Variants in MECOM observed in about 807,000 individuals in gnomAD.
The protein encoded by MECOM is MDS1 and EVI1 complex locus, also known as histone-lysine N-methyltransferase MECOM.
MECOM carries 13 observed loss-of-function variants against 116.3 expected under a neutral mutation model. That is an observed-to-expected ratio of 0.11 (90% CI 0.07 to 0.18). MECOM has a LOEUF of 0.18. Ranked by LOEUF, MECOM falls within the 10% of genes least tolerant of loss-of-function variation. The probability of loss-of-function intolerance (pLI) is 1.00; values close to 1 mark genes in which losing one functional copy is unlikely to be tolerated. For missense variants in MECOM, 1,299 were observed against 1,509.0 expected (o/e 0.86, Z 2.31); for synonymous variants, 528 against 535.2 (o/e 0.99, Z 0.19).
chr3:169,504,150 AGTGTGTGTGTGTGTGTGTGT>A (rs3044764), intron 1 of MECOM, among the ~76,000 whole-genome samples: 3 of 132,670 alleles, frequency 2.3e-5, no homozygotes, highest in South Asian at 2.8e-4. Flanking sequence ...GAAAAAGAGA[AGTGTGTGTGTGTGTGTGTGT>A]GTGTGTGTGT....
intron 1 of MECOM, among the ~76,000 whole-genome samples, chr3:169,423,541 G>A (rs1480368686): frequency 6.6e-6 from 1 of 152,048 alleles, no homozygotes; most frequent in Non-Finnish European, 1.5e-5. Context: ...TATTTTGGAA[G>A]AAGATAAAGA....
chr3:169,290,161 A>C (rs1285340093), intron 2 of MECOM, among the ~76,000 whole-genome samples: 1 of 152,210 alleles, frequency 6.6e-6, no homozygotes, highest in Admixed American at 6.5e-5. Context: ...TTCCCAAAAA[A>C]AAATCCCTTA....
rs748906253 is a variant in MECOM at position 169,107,965 on chromosome 3, T to C, written c.2578-13A>G. ...CAGGCAGTTGGAACTGGGAGCAAAA[T>C]TGAAACAAAAACAAAAAATTACTTC... On this transcript the variant is annotated splice_polypyrimidine_tract_variant and intron_variant, in intron 9 of 16. Coordinates refer to ENST00000651503, the MANE Select transcript of MECOM (RefSeq NM_004991.4). 1.9e-6 allele frequency: 3 copies of C among 1,612,016 alleles called. No homozygotes were observed. Among genetic ancestry groups the C allele is most frequent in the African/African-American group, 2.7e-5 (2 of 74,852 alleles).
intron 1 of MECOM, among the ~76,000 whole-genome samples, chr3:169,546,013 G>A (rs372242897): frequency 1.1e-4 from 17 of 152,114 alleles, no homozygotes; most frequent in Admixed American, 6.5e-4. Flanking sequence ...TAAAGGAAGC[G>A]CTAGGTTGAA....
At chr3:169,195,713 T>C (rs1167990750) in intron 2 of MECOM, among the ~76,000 whole-genome samples, 2 of 152,012 alleles carry the variant, frequency 1.3e-5, no homozygotes. Context: ...AAGCTAAAGA[T>C]GCATTGTAGC....
Position 169,560,789 on chromosome 3 carries a change from G to GA in MECOM, c.37+102546dup, listed in dbSNP as rs575333786. 5.3e-5 allele frequency among the ~76,000 whole-genome samples: 8 copies of GA among 152,008 alleles called. No individual in the cohort carries two copies. The South Asian group carries it at 1.7e-3, about 32-fold the overall frequency. Reference sequence around the variant, plus strand: ...ACTTACAATGACAATAATATCATAGGAAAAAAACAGACTAGCAGCAAATGG... The same window carrying GA: ...ACTTACAATGACAATAATATCATAGGAAAAAAAACAGACTAGCAGCAAATGG... On this transcript the variant is annotated intron_variant, in intron 1 of 16. Coordinates refer to ENST00000651503, the MANE Select transcript of MECOM (RefSeq NM_004991.4).
At chr3:169,130,881 T>C (rs1426012134) in intron 4 of MECOM, among the ~76,000 whole-genome samples, 2 of 152,196 alleles carry the variant, frequency 1.3e-5, no homozygotes, top group African/African-American at 4.8e-5. Flanking sequence ...CTGATTATCA[T>C]TATTTTTTAT....
intron 2 of MECOM, among the ~76,000 whole-genome samples, chr3:169,222,691 A>G (rs964571887): frequency 6.6e-6 from 1 of 152,238 alleles, no homozygotes; most frequent in African/African-American, 2.4e-5. Context: ...GCAAAGGGCC[A>G]GAGGTACACC....
intron 1 of MECOM, among the ~76,000 whole-genome samples, chr3:169,557,138 T>C (rs951680736): frequency 1.3e-5 from 2 of 152,180 alleles, no homozygotes; most frequent in Non-Finnish European, 2.9e-5. Context: ...TCATAGAGTA[T>C]ACATTGGGTG....
chr3:169,338,260 A>ACTTCTCCAAGAAGTTTCCC (rs1251302545), intron 2 of MECOM, among the ~76,000 whole-genome samples: 4 of 152,048 alleles, frequency 2.6e-5, no homozygotes, highest in Non-Finnish European at 5.9e-5. Flanking sequence ...CTGAGATTTC[A>ACTTCTCCAAGAAGTTTCCC]CTTCTCCAAG....
rs149627463 is a variant in MECOM at position 169,321,954 on chromosome 3, G to A, written c.375+59233C>T. On this transcript the variant is annotated intron_variant, in intron 2 of 16. Transcript: ENST00000651503. The stretch of plus-strand genomic sequence containing the variant: ...AGCCACCGAAGTGATTTTTTTTCCA[G>A]TTTCTGAGGCTGTCCTTCCAGAGCT... Among the ~76,000 whole-genome samples the A allele has an allele frequency of 4.6e-5, 7 of 152,236 alleles. No homozygotes were observed. The East Asian group carries it at 1.4e-3, about 29-fold the overall frequency.
At chr3:169,397,667 T>G (rs935883604) in intron 1 of MECOM, among the ~76,000 whole-genome samples, 9 of 152,168 alleles carry the variant, frequency 5.9e-5, no homozygotes, top group African/African-American at 2.2e-4. Flanking sequence ...TCCCAGAGTG[T>G]GTATACATGA....
At chr3:169,184,229 G>A (rs1315957376) in intron 2 of MECOM, among the ~76,000 whole-genome samples, 2 of 152,146 alleles carry the variant, frequency 1.3e-5, no homozygotes, top group East Asian at 1.9e-4. Context: ...ACAGCTACAA[G>A]AGTAAGATTT....
At chr3:169,483,204 T>TTTA (rs1553866581) in intron 1 of MECOM, among the ~76,000 whole-genome samples, 2 of 112,944 alleles carry the variant, frequency 1.8e-5, no homozygotes, top group African/African-American at 9.1e-5. Context: ...TTATTTTTAT[T>TTTA]TTTTTTTTTT....
intron 2 of MECOM, among the ~76,000 whole-genome samples, chr3:169,282,019 G>C (rs569099104): frequency 6.6e-6 from 1 of 152,204 alleles, no homozygotes; most frequent in African/African-American, 2.4e-5. Context: ...AAACAAAGAA[G>C]AGGAGAAAGA....
chr3:169,616,796 G>A (rs1371286897), intron 1 of MECOM, among the ~76,000 whole-genome samples: 1 of 152,224 alleles, frequency 6.6e-6, no homozygotes, highest in Non-Finnish European at 1.5e-5. Flanking sequence ...ACTGCTCAAA[G>A]AGGAAGGGAA....
chr3:169,183,779 C>T (rs950029931), intron 2 of MECOM, among the ~76,000 whole-genome samples: 3 of 45,718 alleles, frequency 6.6e-5, no homozygotes, highest in Non-Finnish European at 1.2e-4. Flanking sequence ...CACACACACA[C>T]ACACACACAC....
chr3:169,614,129 CTCTCTCTCTT>C (rs1769678476), intron 1 of MECOM, among the ~76,000 whole-genome samples: 2 of 138,116 alleles, frequency 1.4e-5, no homozygotes, highest in Admixed American at 7.6e-5. Flanking sequence ...TTTTTTCTCT[CTCTCTCTCTT>C]TCTCTCTCTC....
chr3:169,464,211 T>C (rs1239882383), intron 1 of MECOM: 2 of 152,190 alleles, frequency 1.3e-5, no homozygotes, highest in Non-Finnish European at 2.9e-5. Context: ...ATTTGGAGTT[T>C]TGCTAACATT....
Sources: allele counts gnomAD v4.1 joint callset (sites outside exome capture counted in the v4.1 genomes callset), GRCh38; gene constraint gnomAD v4.1.1; transcripts MANE v1.5; gene names NCBI Gene and HGNC (gene_info 2026-07-23, HGNC 2026-07-21).